The following TBC1D32 variants were observed in gnomAD, a reference collection of about 807,000 sequenced individuals.
TBC1D32 encodes protein broad-minded.
TBC1D32 carries 151 observed loss-of-function variants against 170.3 expected under a neutral mutation model. The ratio of observed to expected loss-of-function variants is 0.89; its 90% CI spans 0.78 to 1.01. TBC1D32 has a LOEUF of 1.01. TBC1D32 is among the 50% of genes least tolerant of loss of function. The probability of loss-of-function intolerance (pLI) is 0.00; values close to 1 mark genes in which losing one functional copy is unlikely to be tolerated. For missense variants in TBC1D32, 1,464 were observed against 1,457.1 expected, an observed-to-expected ratio of 1.00 and a Z score of -0.08; for synonymous variants, 498 against 488.0, an observed-to-expected ratio of 1.02 and a Z score of -0.27.
At chr6:121,267,354 ATT>A (rs1800671466) in intron 15 of TBC1D32, among the ~76,000 whole-genome samples, 1 of 152,172 alleles carries the variant, frequency 6.6e-6, no homozygotes, top group Non-Finnish European at 1.5e-5. Flanking sequence ...GGGTCAGGGA[ATT>A]CCCTTTCCTA....
rs555318450 is a variant in TBC1D32 at position 121,131,092 on chromosome 6, C to T, written c.2899+535G>A. ...TGACATTAGAACTTTTTTCTAAGCA[C>T]TTCTTTTTACATTATTCAAAATAAA... is the stretch of plus-strand genomic sequence containing the variant. On this transcript the variant is annotated intron_variant, in intron 25 of 31. Transcript: ENST00000398212. Among the ~76,000 whole-genome samples the T allele has an allele frequency of 1.1e-4, 16 of 152,050 alleles. No homozygotes were observed. The East Asian group carries it at 2.9e-3, about 28-fold the overall frequency.
chr6:121,181,454 C>T (rs547751853), intron 22 of TBC1D32, among the ~76,000 whole-genome samples: 34 of 152,180 alleles, frequency 2.2e-4, no homozygotes, highest in Admixed American at 1.8e-3. Flanking sequence ...CTTTACCTTC[C>T]GCCATGATTG....
At chr6:121,213,520 AAAAT>A (rs199984143) in intron 21 of TBC1D32, among the ~76,000 whole-genome samples, 16,957 of 41,322 alleles carry the variant, frequency 0.41, 2,439 homozygotes, top group South Asian at 0.47. Context: ...AAAATAAAAT[AAAAT>A]AAATAAAATA....
intron 22 of TBC1D32, among the ~76,000 whole-genome samples, chr6:121,180,040 T>C (rs1002369499): frequency 1.3e-5 from 2 of 152,122 alleles, no homozygotes; most frequent in Non-Finnish European, 2.9e-5. Flanking sequence ...ATGAAAGATA[T>C]ATGAGACTTC....
At chr6:121,270,755 A>T (rs1341988944) in intron 15 of TBC1D32, among the ~76,000 whole-genome samples, 1 of 152,196 alleles carries the variant, frequency 6.6e-6, no homozygotes, top group Non-Finnish European at 1.5e-5. Flanking sequence ...TCTCTAACTC[A>T]TTTTATGAGG....
intron 15 of TBC1D32, among the ~76,000 whole-genome samples, chr6:121,275,095 C>T (rs1017074664): frequency 2.0e-5 from 3 of 152,054 alleles, no homozygotes; most frequent in African/African-American, 4.8e-5. Context: ...TTAAATAAGT[C>T]GATTGCACAA....
chr6:121,292,414 T>C (rs538791678), intron 11 of TBC1D32, among the ~76,000 whole-genome samples: 1 of 152,140 alleles, frequency 6.6e-6, no homozygotes, highest in African/African-American at 2.4e-5. Flanking sequence ...CAGAAAAGAA[T>C]AGTATACATA....
chr6:121,185,276 C>T (rs1789042141), intron 22 of TBC1D32, among the ~76,000 whole-genome samples: 1 of 151,986 alleles, frequency 6.6e-6, no homozygotes, highest in Non-Finnish European at 1.5e-5. Context: ...CTCTGGTCAC[C>T]TAGTTAGAGA....
chr6:121,083,419 C>T (rs1490633126), intron 31 of TBC1D32, among the ~76,000 whole-genome samples: 1 of 151,870 alleles, frequency 6.6e-6, no homozygotes, highest in African/African-American at 2.4e-5. Flanking sequence ...TAATTTGCTG[C>T]CTTCATTAAT....
intron 20 of TBC1D32, among the ~76,000 whole-genome samples, chr6:121,235,461 A>G (rs73768940): frequency 0.1 from 15,748 of 152,066 alleles, 1,148 homozygotes; most frequent in East Asian, 0.19. Flanking sequence ...TCCCAGTCCA[A>G]TGGAGTTATA....
chr6:121,118,582 T>C (rs1582844098), intron 26 of TBC1D32, among the ~76,000 whole-genome samples: 1 of 152,094 alleles, frequency 6.6e-6, no homozygotes, highest in Non-Finnish European at 1.5e-5. Flanking sequence ...TGGCACCTAA[T>C]AGTATGGAAA....
At chr6:121,252,528 A>T (rs755707967) in intron 17 of TBC1D32, among the ~76,000 whole-genome samples, 1 of 152,218 alleles carries the variant, frequency 6.6e-6, no homozygotes, top group Non-Finnish European at 1.5e-5. Context: ...ATGAGAACAC[A>T]TGGACACAGG....
chr6:121,140,672 G>T (rs1231830741), intron 24 of TBC1D32, among the ~76,000 whole-genome samples: 1 of 151,966 alleles, frequency 6.6e-6, no homozygotes, highest in African/African-American at 2.4e-5. Context: ...AGACTAAAAG[G>T]CTGTACATTT....
intron 19 of TBC1D32, among the ~76,000 whole-genome samples, chr6:121,239,821 CAT>C (rs1407295125): frequency 2.0e-5 from 3 of 152,014 alleles, no homozygotes; most frequent in Non-Finnish European, 1.5e-5. Flanking sequence ...GTAGAAAAAT[CAT>C]GTGGAAAAGT....
chr6:121,176,532 A>C lies in TBC1D32; in HGVS notation c.2571-15476T>G, dbSNP rs1429867069. Among the ~76,000 whole-genome samples the C allele has an allele frequency of 2.6e-5, 4 of 152,096 alleles. No homozygotes were observed. In the East Asian group the frequency reaches 7.7e-4, roughly 29 times the overall value. Reference sequence around the variant, plus strand: ...ACACCATGTTATGGATCACGGTCACAACACAGTCAAAATGCACAACACACA... The same window carrying C: ...ACACCATGTTATGGATCACGGTCACCACACAGTCAAAATGCACAACACACA... On this transcript the variant is annotated intron_variant, in intron 22 of 31. Transcript: ENST00000398212.
Position 121,230,396 on chromosome 6 carries a change from A to G in TBC1D32, c.2365-7044T>C, listed in dbSNP as rs1795590845. Among the ~76,000 whole-genome samples, 3 of 152,062 alleles carry G rather than the reference A, an allele frequency of 2.0e-5. No homozygotes were observed. In the South Asian group the frequency reaches 6.2e-4, roughly 31 times the overall value. ...ATCACAGTTTGACATGCTAAAGGTT[A>G]TTGGTAAATATATTATCATCTTTAA... On this transcript the variant is annotated intron_variant, in intron 20 of 31. Transcript: ENST00000398212.
chr6:121,136,028 C>A (rs553592255), intron 24 of TBC1D32, among the ~76,000 whole-genome samples: 1 of 151,988 alleles, frequency 6.6e-6, no homozygotes, highest in Non-Finnish European at 1.5e-5. Flanking sequence ...TAATGCCCCC[C>A]AAAACTCCCC....
chr6:121,106,043 A>C lies in TBC1D32; in HGVS notation c.3445T>G (p.Ser1149Ala). The C allele has an allele frequency of 6.2e-7, 1 of 1,607,780 alleles. No homozygotes were observed. The highest frequency in any genetic ancestry group is 8.5e-7 in the Non-Finnish European group (1 of 1,175,686). ...ATTACCTGTGATGGTGCAAAACCAG[A>C]CATGTGAAAAGCTGAAAACACAAGA... is the stretch of plus-strand genomic sequence containing the variant. ...LPLVFSAFHM[S>A]GFAPSQICLQ... The change falls in exon 30 of 32, where the codon TCT becomes GCT. Residue 1149 changes from serine to alanine, a missense_variant. Transcript: ENST00000398212.
At position 121,091,060 on chromosome 6, in the gene TBC1D32, G is replaced by GT. The variant is rs748383430; in HGVS notation, c.3466-20dup. Reference sequence around the variant, plus strand: ...GGCAAATCTTTAAAAAAAAAAAGTAGTAAGTTCATTAAAAAATTTATAAAA... The same window carrying GT: ...GGCAAATCTTTAAAAAAAAAAAGTAGTTAAGTTCATTAAAAAATTTATAAAA... On this transcript the variant is annotated intron_variant, in intron 30 of 31. Transcript: ENST00000398212. 16 of 1,542,826 alleles carry GT rather than the reference G, an allele frequency of 1.0e-5. No individual in the cohort carries two copies. Among genetic ancestry groups the GT allele is most frequent in the Non-Finnish European group, 1.3e-5 (15 of 1,145,012 alleles).
Sources: gnomAD v4.1 joint callset for allele counts (sites outside exome capture counted in the v4.1 genomes callset) on GRCh38, gnomAD v4.1.1 for gene constraint, MANE v1.5 for transcripts, NCBI Gene and HGNC (gene_info 2026-07-23, HGNC 2026-07-21) for gene names.